The following VTI1A variants were observed in gnomAD, a reference collection of about 807,000 sequenced individuals.
VTI1A encodes the protein vesicle transport through interaction with t-SNAREs homolog 1A.
A neutral mutation model predicts 34.9 loss-of-function variants in VTI1A; 22 were observed. The ratio of observed to expected loss-of-function variants is 0.63; its 90% CI spans 0.45 to 0.90. The LOEUF is 0.90. Among genes scored for constraint, VTI1A ranks in the 40% least tolerant of loss-of-function variants. VTI1A has a pLI of 0.00. For synonymous variants in VTI1A, 87 were observed against 97.3 expected, an observed-to-expected ratio of 0.89 and a Z score of 0.62; for missense variants, 268 against 275.6, an observed-to-expected ratio of 0.97 and a Z score of 0.20.
chr10:112,765,098 A>G (rs1332664591), intron 7 of VTI1A, among the ~76,000 whole-genome samples: 5 of 152,236 alleles, frequency 3.3e-5, no homozygotes, highest in African/African-American at 1.2e-4. Flanking sequence ...GGGAAATGAC[A>G]TCATATTATT....
chr10:112,555,349 C>T (rs952219911), intron 5 of VTI1A, among the ~76,000 whole-genome samples: 4 of 151,978 alleles, frequency 2.6e-5, no homozygotes, highest in East Asian at 1.9e-4. Context: ...TTTTTACTTA[C>T]GTTTGTTTCT....
rs563232410 is a variant in VTI1A, at chr10:112,581,310, C to T, written c.427+42980C>T. ...TCAAGCCTAGGGGTGATAACTTGTC[C>T]ACTGTTACTTGCCCCAGGTTAGTGT... is the stretch of plus-strand genomic sequence containing the variant. On this transcript the variant is annotated intron_variant, in intron 5 of 7. Transcript: ENST00000393077. 2.0e-5 allele frequency among the ~76,000 whole-genome samples: 3 copies of T among 152,318 alleles called. No individual in the cohort carries two copies. The East Asian group carries it at 5.8e-4, about 29-fold the overall frequency.
intron 3 of VTI1A, among the ~76,000 whole-genome samples, chr10:112,498,717 G>A (rs1849115658): frequency 2.0e-5 from 3 of 152,146 alleles, no homozygotes; most frequent in Admixed American, 1.3e-4. Flanking sequence ...TAAAGATTGA[G>A]TGGACGCAGT....
chr10:112,685,295 A>G (rs1327483839), intron 7 of VTI1A, among the ~76,000 whole-genome samples: 1 of 152,098 alleles, frequency 6.6e-6, no homozygotes, highest in Non-Finnish European at 1.5e-5. Flanking sequence ...AGACCTCTGT[A>G]TCTCTTATGT....
At chr10:112,623,149 T>A (rs1035181635) in intron 5 of VTI1A, among the ~76,000 whole-genome samples, 1 of 152,206 alleles carries the variant, frequency 6.6e-6, no homozygotes, top group East Asian at 1.9e-4. Flanking sequence ...GCATGAGAGA[T>A]ATGTAGATCT....
chr10:112,772,935 A>G (rs1366041247), intron 7 of VTI1A, among the ~76,000 whole-genome samples: 1 of 152,248 alleles, frequency 6.6e-6, no homozygotes, highest in African/African-American at 2.4e-5. Flanking sequence ...TAGCAATAGA[A>G]TGCCACTTAG....
chr10:112,546,114 G>A (rs1482819581), intron 5 of VTI1A, among the ~76,000 whole-genome samples: 2 of 120,754 alleles, frequency 1.7e-5, no homozygotes, highest in South Asian at 3.1e-4. Flanking sequence ...GTGTATACAC[G>A]TGTGTGTGTA....
Position 112,673,532 on chromosome 10 carries a change from TATGAGTATGGTTAACTTCCTTATGC to T in VTI1A, c.560+4535_560+4559del, listed in dbSNP as rs1441274627. Among the ~76,000 whole-genome samples the T allele has an allele frequency of 3.9e-5, 6 of 152,278 alleles. No homozygotes were observed. In the East Asian group the frequency reaches 1.2e-3, roughly 29 times the overall value. ...AAGTGAATTTTGTTTATCCTTCCAG[TATGAGTATGGTTAACTTCCTTATGC>T]GTGGAGCTGCTAAGAGGTCTTTTGT... On this transcript the variant is annotated intron_variant, in intron 7 of 7. Coordinates refer to ENST00000393077, the MANE Select transcript of VTI1A (RefSeq NM_145206.4).
chr10:112,508,659 G>A (rs995669901), intron 3 of VTI1A, among the ~76,000 whole-genome samples: 3 of 152,130 alleles, frequency 2.0e-5, no homozygotes, highest in East Asian at 1.9e-4. Context: ...CTGCACCCAC[G>A]CAGGTAATAA....
intron 5 of VTI1A, among the ~76,000 whole-genome samples, chr10:112,564,327 T>C (rs1354438418): frequency 6.6e-6 from 1 of 151,988 alleles, no homozygotes; most frequent in Non-Finnish European, 1.5e-5. Context: ...GATGAAGTAA[T>C]AGTGAACCAA....
chr10:112,568,254 C>A (rs1189563871), intron 5 of VTI1A, among the ~76,000 whole-genome samples: 1 of 152,166 alleles, frequency 6.6e-6, no homozygotes, highest in Non-Finnish European at 1.5e-5. Flanking sequence ...CGCCTGTAAT[C>A]CCAGCACTTT....
At chr10:112,538,714 T>C (rs1850748436) in intron 5 of VTI1A, 1 of 161,052 alleles carries the variant, frequency 6.2e-6, no homozygotes, top group Non-Finnish European at 1.4e-5. Context: ...TTAATCAATC[T>C]AAATCATGTG....
intron 5 of VTI1A, among the ~76,000 whole-genome samples, chr10:112,589,755 G>A (rs1844313083): frequency 6.6e-6 from 1 of 152,072 alleles, no homozygotes; most frequent in African/African-American, 2.4e-5. Context: ...GTTGTTTGCT[G>A]AAGTAATGCT....
At chr10:112,533,366 A>G (rs185736773) in intron 4 of VTI1A, among the ~76,000 whole-genome samples, 13 of 152,198 alleles carry the variant, frequency 8.5e-5, no homozygotes, top group African/African-American at 3.1e-4. Flanking sequence ...CTCTGCATGT[A>G]GTCTATGTTT....
chr10:112,671,525 A>T (rs1847845045), intron 7 of VTI1A, among the ~76,000 whole-genome samples: 2 of 152,356 alleles, frequency 1.3e-5, no homozygotes, highest in South Asian at 4.1e-4. Flanking sequence ...TGCTTTATTT[A>T]AAAGAAAGAT....
intron 7 of VTI1A, among the ~76,000 whole-genome samples, chr10:112,670,402 A>G (rs1394581616): frequency 6.6e-6 from 1 of 152,186 alleles, no homozygotes; most frequent in African/African-American, 2.4e-5. Flanking sequence ...ATTTAATGGT[A>G]TGGCTTAATC....
At chr10:112,670,715 C>T (rs537204507) in intron 7 of VTI1A, among the ~76,000 whole-genome samples, 5 of 152,216 alleles carry the variant, frequency 3.3e-5, no homozygotes, top group Middle Eastern at 6.8e-3. Flanking sequence ...CAGAAGCCTA[C>T]GGAAGAAAAT....
At chr10:112,838,773 G>C in the VTI1A span, among the ~76,000 whole-genome samples, 1 of 152,206 alleles carries the variant, frequency 6.6e-6, no homozygotes, top group Non-Finnish European at 1.5e-5. Flanking sequence ...GAAGTGCACT[G>C]CTCTAAAGGT....
intron 7 of VTI1A, among the ~76,000 whole-genome samples, chr10:112,808,074 C>T (rs111555473): frequency 0.019 from 2,917 of 151,066 alleles, 63 homozygotes; most frequent in African/African-American, 0.049. Context: ...AAAAATTAGC[C>T]AGGTGCGGTG....
Sources: allele counts gnomAD v4.1 joint callset (sites outside exome capture counted in the v4.1 genomes callset), GRCh38; gene constraint gnomAD v4.1.1; transcripts MANE v1.5; gene names NCBI Gene and HGNC (gene_info 2026-07-23, HGNC 2026-07-21).